The following KDM6B variants were observed in gnomAD, a reference collection of about 807,000 sequenced individuals.
KDM6B encodes lysine-specific demethylase 6B.
KDM6B carries 22 observed loss-of-function variants against 150.4 expected under a neutral mutation model. The observed-to-expected ratio is 0.15, with a 90% CI of 0.10 to 0.21. KDM6B has a LOEUF of 0.21. KDM6B is among the 10% of genes least tolerant of loss of function. The probability of loss-of-function intolerance (pLI) is 1.00; values close to 1 mark genes in which losing one functional copy is unlikely to be tolerated. For synonymous variants in KDM6B, 1,148 were observed against 921.1 expected (o/e 1.25, Z -4.46); for missense variants, 1,984 against 2,234.3 (o/e 0.89, Z 2.26).
Position 7,846,782 on chromosome 17 carries a change from C to T in KDM6B, c.712-37C>T, listed in dbSNP as rs375878430. 2.5e-6 allele frequency: 4 copies of T among 1,613,858 alleles called. No individual in the cohort carries two copies. In the African/African-American group the frequency reaches 4.0e-5, roughly 16 times the overall value. ...GCCAGCAGGCAGTAAGTAGGCAGGA[C>T]TTGGGAATGGGATTCTCACACTCTC... On this transcript the variant is annotated intron_variant, in intron 9 of 23. Coordinates refer to ENST00000448097, the MANE Select transcript of KDM6B (RefSeq NM_001348716.2).
chr17:7,848,263 G>A lies in KDM6B; in HGVS notation c.1975G>A (p.Gly659Arg), dbSNP rs780514339. 14 of 1,609,460 alleles carry A rather than the reference G, an allele frequency of 8.7e-6. No homozygotes were observed. Among genetic ancestry groups the A allele is most frequent in the Middle Eastern group, 1.6e-4 (1 of 6,066 alleles). Residue 659 changes from glycine to arginine, a missense_variant, in exon 12 of 24, where the codon GGG (glycine) becomes AGG (arginine). By Grantham distance (125) the Gly-to-Arg change is moderately radical. Coordinates refer to ENST00000448097, the MANE Select transcript of KDM6B (RefSeq NM_001348716.2). ...LSKAPQPVPPGVGELPARGPR... is the reference protein window; with the variant it reads ...LSKAPQPVPPRVGELPARGPR... ...TAAAGCCCCCCAGCCTGTGCCGCCCGGGGTTGGGGAGCTGCCTGCCCGAGG... is the reference window on the plus strand; with the variant it reads ...TAAAGCCCCCCAGCCTGTGCCGCCCAGGGTTGGGGAGCTGCCTGCCCGAGG...
rs1359425042 is a variant in KDM6B, at chr17:7,848,184, C to T, written c.1896C>T (p.Val632=). 6 of 1,612,526 alleles carry T rather than the reference C, an allele frequency of 3.7e-6. No homozygotes were observed. The highest frequency in any genetic ancestry group is 5.1e-6 in the Non-Finnish European group (6 of 1,179,820). The change falls in exon 12 of 24, where the codon GTC becomes GTT. Residue 632 remains valine (V), a synonymous_variant. Transcript: ENST00000448097. ...FRRPESPRPR[V]SFPKTPEVGP... is the part of the protein sequence containing the mutation. ...GCCCGGAGAGCCCCCGGCCCAGGGT[C>T]TCCTTCCCAAAGACCCCCGAGGTGG...
At chr17:7,837,233 C>A (rs2078346092) in intron 1 of KDM6B, among the ~76,000 whole-genome samples, 1 of 152,090 alleles carries the variant, frequency 6.6e-6, no homozygotes, top group Admixed American at 6.5e-5. Context: ...TGCCCCCTTC[C>A]CCAGATTGAT....
intron 12 of KDM6B, 45 bp downstream of exon 12, chr17:7,849,773 C>G (rs758009987): frequency 3.7e-6 from 6 of 1,612,818 alleles, no homozygotes; most frequent in Non-Finnish European, 5.1e-6. Context: ...AGGCTCCCTT[C>G]CCCCATCACC....
chr17:7,846,625 G>C lies in KDM6B; in HGVS notation c.596G>C (p.Arg199Pro). Reference protein sequence around the residue: ...GAKRGGPPVKRAAEPPVVQPV... With the variant: ...GAKRGGPPVKPAAEPPVVQPV... ...AAGCGGGGAGGTCCCCCGGTGAAGC[G>C]AGCTGCTGAACCCCCAGTGGTGCAG... Residue 199 changes from arginine to proline, a missense_variant, in exon 9 of 24, where the codon CGA (arginine) becomes CCA (proline). Around this residue, in one of 13 missense-constraint regions of KDM6B, gnomAD observed 337 missense variants for 323.9 expected, o/e 1.04. Coordinates refer to ENST00000448097, the MANE Select transcript of KDM6B (RefSeq NM_001348716.2). 1 of 1,614,076 alleles carries C rather than the reference G, an allele frequency of 6.2e-7. No homozygotes were observed. The highest frequency in any genetic ancestry group is 1.1e-5 in the South Asian group (1 of 91,086).
In KDM6B at chr17:7,846,182, G is replaced by A. The variant is rs2151375698; in HGVS notation, c.341G>A (p.Gly114Glu). The A allele has an allele frequency of 1.9e-6, 3 of 1,614,090 alleles. No individual in the cohort carries two copies. The highest frequency in any genetic ancestry group is 8.5e-7 in the Non-Finnish European group (1 of 1,180,006). ...CAGCCAGGGCTTTGGGAACAGCTTG[G>A]GCAACTGTACGAGTCAGAGCACGAT... ...PAQPGLWEQL[G>E]QLYESEHDSE... Residue 114 changes from glycine to glutamate, a missense_variant, in exon 7 of 24, where the codon GGG (glycine) becomes GAG (glutamate). Physicochemically the swap from Gly to Glu is moderately conservative, Grantham distance 98 (BLOSUM62 -2). Around this residue, in one of 13 missense-constraint regions of KDM6B, gnomAD observed 337 missense variants for 323.9 expected, o/e 1.04. Transcript: ENST00000448097.
rs547582872 is a variant in KDM6B, at chr17:7,849,213, A to ACAGAAGGAGCAT, written c.2939_2950dup (p.Gln980_His983dup). The stretch of plus-strand genomic sequence containing the variant: ...CAGTGTCAGGCAGCTGTAAGCGGCG[A>ACAGAAGGAGCAT]CAGAAGGAGCATCAGAAGGAGCATC... On this transcript the variant is annotated inframe_insertion, in exon 12 of 24. Coordinates refer to ENST00000448097, the MANE Select transcript of KDM6B (RefSeq NM_001348716.2). The ACAGAAGGAGCAT allele has an allele frequency of 6.9e-6, 11 of 1,594,762 alleles. No individual in the cohort carries two copies. The Admixed American group carries it at 1.0e-4, about 15-fold the overall frequency.
chr17:7,853,354 G>A lies in KDM6B; in HGVS notation c.4882G>A (p.Ala1628Thr). 1 of 1,566,204 alleles carries A rather than the reference G, an allele frequency of 6.4e-7. No homozygotes were observed. ...GGAGCAGTACCGCACTGAGGAGCTG[G>A]CTCAGGCCTACGACGCCTTCACGCT... ...VLEQYRTEEL[A>T]QAYDAFTLAP... The change falls in exon 23 of 24, where the codon GCT (alanine) becomes ACT (threonine). Residue 1628 changes from alanine to threonine, a missense_variant. Transcript: ENST00000448097.
chr17:7,851,816 G>A lies in KDM6B; in HGVS notation c.4165+20G>A, dbSNP rs2078701040. The A allele has an allele frequency of 1.3e-6, 2 of 1,556,822 alleles. No homozygotes were observed. The highest frequency in any genetic ancestry group is 2.4e-5 in the East Asian group (1 of 41,330). On this transcript the variant is annotated intron_variant, in intron 18 of 23. Transcript: ENST00000448097. ...CGCCAGGTGCGCTCCACGCCTGTGC[G>A]CGCTGATGCTGGAAGCGCGAGAGGA...
chr17:7,846,753 G>A lies in KDM6B; in HGVS notation c.711+13G>A, dbSNP rs779925225. 1.9e-6 allele frequency: 3 copies of A among 1,613,968 alleles called. No individual in the cohort carries two copies. The highest frequency in any genetic ancestry group is 3.3e-5 in the Admixed American group (2 of 60,012). ...CAACTCTGAACAGGTGTGGGTATAGGGGGGCCAGCAGGCAGTAAGTAGGCA... is the reference window on the plus strand; with the variant it reads ...CAACTCTGAACAGGTGTGGGTATAGAGGGGCCAGCAGGCAGTAAGTAGGCA... On this transcript the variant is annotated intron_variant, in intron 9 of 23. Transcript: ENST00000448097.
At position 7,848,006 on chromosome 17, in the gene KDM6B, C is replaced by T. The variant is rs553101718; in HGVS notation, c.1718C>T (p.Pro573Leu). Residue 573 changes from proline to leucine, a missense_variant, in exon 12 of 24, where the codon CCA (proline) becomes CTA (leucine). Transcript: ENST00000448097. ...CCTGCTGGGCCTGTGTCCTTTCCCCCACCACCCTATCTGGCCAGAAGTATA... is the reference window on the plus strand; with the variant it reads ...CCTGCTGGGCCTGTGTCCTTTCCCCTACCACCCTATCTGGCCAGAAGTATA... ...SSPAGPVSFPPPPYLARSIDP... is the reference protein window; with the variant it reads ...SSPAGPVSFPLPPYLARSIDP... 2.5e-6 allele frequency: 4 copies of T among 1,612,782 alleles called. No homozygotes were observed. The highest frequency in any genetic ancestry group is 2.7e-5 in the African/African-American group (2 of 74,680).
chr17:7,840,392 T>A (rs1014523454), intron 2 of KDM6B: 1 of 152,224 alleles, frequency 6.6e-6, no homozygotes, highest in Non-Finnish European at 1.5e-5. Flanking sequence ...GCTTTGTCCC[T>A]ATAGGAGTTG....
Position 7,853,604 on chromosome 17 carries a change from C to T in KDM6B, c.*83C>T, listed in dbSNP as rs2078749958. The T allele has an allele frequency of 2.7e-6, 3 of 1,121,614 alleles. No individual in the cohort carries two copies. The highest frequency in any genetic ancestry group is 4.3e-5 in the South Asian group (2 of 46,530). The allele number at this position is 1,121,614 out of a possible 1,614,324, so 69.5% of individuals were successfully genotyped here. A position where few individuals can be genotyped will look rare whatever the true frequency, so the allele number is the denominator to read the frequency against. On this transcript the variant is annotated 3_prime_UTR_variant, in exon 24 of 24. Coordinates refer to ENST00000448097, the MANE Select transcript of KDM6B (RefSeq NM_001348716.2). ...ATGCCTGGGCTGGACCTAGGTCCCG[C>T]CTGTGGCCGAGAAGGGGGTCGGGCC...
intron 16 of KDM6B, 41 bp downstream of exon 16, chr17:7,851,435 C>T (rs769239852): frequency 6.2e-7 from 1 of 1,614,178 alleles, no homozygotes; most frequent in Non-Finnish European, 8.5e-7. Context: ...GCTTCCTTCC[C>T]CTCCCTCTGC....
At position 7,852,188 on chromosome 17, in the gene KDM6B, C is replaced by T. The variant is rs542090939; in HGVS notation, c.4320C>T (p.Ile1440=). 3.1e-6 allele frequency: 5 copies of T among 1,614,174 alleles called. No individual in the cohort carries two copies. The highest frequency in any genetic ancestry group is 2.2e-5 in the South Asian group (2 of 91,086). ...ACTTGACGGGTTCCTGGTGGCCAAT[C>T]CTGGATGATCTCTATGCATCCAATA... The part of the protein sequence containing the change: ...VDYLTGSWWP[I]LDDLYASNIP... Residue 1440 remains isoleucine (I), a synonymous_variant, in exon 20 of 24, where the codon ATC becomes ATT. Transcript: ENST00000448097.
intron 1 of KDM6B, among the ~76,000 whole-genome samples, chr17:7,835,748 C>A (rs897668917): frequency 5.4e-5 from 8 of 147,468 alleles, no homozygotes; most frequent in Non-Finnish European, 8.9e-5. Flanking sequence ...CTCGCGCCCA[C>A]CCCCCGCCCT....
intron 1 of KDM6B, among the ~76,000 whole-genome samples, chr17:7,835,105 G>T (rs2078306610): frequency 6.6e-6 from 1 of 152,040 alleles, no homozygotes. Flanking sequence ...GGAAAGGTAG[G>T]CTGAGGCCCC....
chr17:7,837,445 C>G (rs1190692271), intron 1 of KDM6B, among the ~76,000 whole-genome samples: 1 of 152,214 alleles, frequency 6.6e-6, no homozygotes, highest in Admixed American at 6.5e-5. Context: ...TGTAGCCTCT[C>G]ACTTGGTGGA....
At chr17:7,846,378 C>CGGGG in intron 7 of KDM6B, 22 bp from the exon 8 acceptor site, 1 of 599,604 alleles carries the variant, frequency 1.7e-6, no homozygotes, top group Non-Finnish European at 3.0e-6. Flanking sequence ...TCTGCCCCTG[C>CGGGG]CCCGTGTCCC....
Sources: gnomAD v4.1 joint callset for allele counts (sites outside exome capture counted in the v4.1 genomes callset) on GRCh38, gnomAD v4.1.1 for gene constraint, gnomAD v4.1.1 regional missense constraint, MANE v1.5 for transcripts, NCBI Gene and HGNC (gene_info 2026-07-23, HGNC 2026-07-21) for gene names.